Variants in REXO5 observed in about 807,000 individuals in gnomAD.
The protein encoded by REXO5 is RNA exonuclease 5, also known as exonuclease NEF-sp.
In REXO5, 48 loss-of-function variants were observed where a neutral mutation model predicts 88.5. That is an observed-to-expected ratio of 0.54 (90% CI 0.43 to 0.69). REXO5 has a LOEUF of 0.69. Among genes scored for constraint, REXO5 ranks in the 30% least tolerant of loss-of-function variants. The probability of loss-of-function intolerance (pLI) is 0.00; values close to 1 mark genes in which losing one functional copy is unlikely to be tolerated. For synonymous variants in REXO5, 311 were observed against 336.5 expected, an observed-to-expected ratio of 0.92 and a Z score of 0.83; for missense variants, 749 against 912.2, an observed-to-expected ratio of 0.82 and a Z score of 2.30.
chr16:20,830,638 G>A (rs2081327590), intron 11 of REXO5, among the ~76,000 whole-genome samples: 1 of 152,212 alleles, frequency 6.6e-6, no homozygotes. Flanking sequence ...TGTAAAGGCA[G>A]GGTTTGTTCC....
chr16:20,807,634 G>T (rs545657879), intron 2 of REXO5, among the ~76,000 whole-genome samples: 122 of 150,168 alleles, frequency 8.1e-4, no homozygotes, highest in African/African-American at 2.8e-3. Context: ...GGGTGCAGTG[G>T]CTCACGCCTG....
chr16:20,831,904 T>C (rs2081350731), intron 11 of REXO5, among the ~76,000 whole-genome samples: 1 of 152,160 alleles, frequency 6.6e-6, no homozygotes, highest in African/African-American at 2.4e-5. Flanking sequence ...ACTTGGCCCT[T>C]CCCCATATTC....
chr16:20,824,965 C>T (rs1485659268), intron 7 of REXO5, among the ~76,000 whole-genome samples: 2 of 151,812 alleles, frequency 1.3e-5, no homozygotes, highest in Non-Finnish European at 2.9e-5. Context: ...GCTGAGATAG[C>T]GCCACTGCAC....
At chr16:20,838,336 T>G (rs2081469935) in intron 13 of REXO5, among the ~76,000 whole-genome samples, 1 of 152,246 alleles carries the variant, frequency 6.6e-6, no homozygotes, top group East Asian at 1.9e-4. Context: ...ATGTTAGGTA[T>G]ATTTATATTA....
In REXO5 at chr16:20,840,375, A is replaced by T. The variant is rs1324997891; in HGVS notation, c.1533A>T (p.Pro511=). The part of the protein sequence containing the change: ...WTEISTVYAG[P]FSKNCNLRAL... ...AGATATCAACTGTCTATGCTGGGCC[A>T]TTTAGCAAAAATTGCAATCTCAGGG... The change falls in exon 15 of 20, where the codon CCA becomes CCT. Residue 511 remains proline, a synonymous_variant. Transcript: ENST00000261377. 1 of 1,585,126 alleles carries T rather than the reference A, an allele frequency of 6.3e-7. No individual in the cohort carries two copies. Among genetic ancestry groups the T allele is most frequent in the Middle Eastern group, 1.7e-4 (1 of 5,954 alleles).
In REXO5 at chr16:20,841,486, C is replaced by T. The variant is rs556777964; in HGVS notation, c.1626+1018C>T. Among the ~76,000 whole-genome samples, 20 of 152,066 alleles carry T rather than the reference C, an allele frequency of 1.3e-4. No individual in the cohort carries two copies. The East Asian group carries it at 3.5e-3, about 26-fold the overall frequency. ...GTAAATATATTGTTCCTTTAGAATT[C>T]GGAACTAGGTAACTATTAAACTGGT... is the stretch of plus-strand genomic sequence containing the variant. On this transcript the variant is annotated intron_variant, in intron 15 of 19. Coordinates refer to ENST00000261377, the MANE Select transcript of REXO5 (RefSeq NM_030941.3).
intron 19 of REXO5, among the ~76,000 whole-genome samples, chr16:20,848,802 G>T (rs1262006560): frequency 1.3e-5 from 2 of 152,188 alleles, no homozygotes; most frequent in Non-Finnish European, 2.9e-5. Context: ...TTAATGTTTT[G>T]TAACTTTTTT....
chr16:20,806,666 A>G lies in REXO5; in HGVS notation c.-42A>G, dbSNP rs2080882140. ...GCAGCACCTTCCTTCTTTGCCAGGC[A>G]GACGCCCGTTGTAGCCGTTGGGGAA... On this transcript the variant is annotated 5_prime_UTR_variant, in exon 1 of 20. Transcript: ENST00000261377. The G allele has an allele frequency of 4.5e-6, 5 of 1,115,978 alleles. No individual in the cohort carries two copies. The Admixed American group carries it at 8.9e-5, about 20-fold the overall frequency. 69.1% of individuals were successfully genotyped at this position (1,115,978 alleles called of 1,614,324 possible).
intron 1 of REXO5, 79 bp downstream of exon 1, chr16:20,806,784 A>T (rs922537370): frequency 5.1e-6 from 6 of 1,167,148 alleles, no homozygotes; most frequent in Non-Finnish European, 7.1e-6. Context: ...GATCGTTGGC[A>T]CCTTCGCTTT....
rs1456447958 is a variant in REXO5, at chr16:20,849,539, T to C, written c.*59T>C. The C allele has an allele frequency of 6.7e-7, 1 of 1,500,534 alleles. No homozygotes were observed. Among genetic ancestry groups the C allele is most frequent in the East Asian group, 2.3e-5 (1 of 44,402 alleles). 93.0% of individuals were successfully genotyped at this position (1,500,534 alleles called of 1,614,324 possible). ...ACCCCTTGTAGGCAATGGCAAAGAATGTGGTCAGGCTGTAGCCTCCCCAAC... is the reference window on the plus strand; with the variant it reads ...ACCCCTTGTAGGCAATGGCAAAGAACGTGGTCAGGCTGTAGCCTCCCCAAC... On this transcript the variant is annotated 3_prime_UTR_variant, in exon 20 of 20. Transcript: ENST00000261377.
chr16:20,844,849 A>C lies in REXO5; in HGVS notation c.1936+4A>C, dbSNP rs1173921441. 4 of 1,611,218 alleles carry C rather than the reference A, an allele frequency of 2.5e-6. No homozygotes were observed. Among genetic ancestry groups the C allele is most frequent in the Non-Finnish European group, 3.4e-6 (4 of 1,178,086 alleles). On this transcript the variant is annotated splice_donor_region_variant and intron_variant, in intron 17 of 19. Transcript: ENST00000261377. ...CAGAAAAAATACTGTTTCCTGAGTA[A>C]GTCTATGCTACTGAATGTAGCTTTG...
intron 4 of REXO5, 87 bp from the exon 5 acceptor site, chr16:20,816,029 C>T: frequency 1.0e-6 from 1 of 994,664 alleles, no homozygotes; most frequent in Non-Finnish European, 1.6e-6. Flanking sequence ...ACTTTCAAAG[C>T]ACTGAGGTGA....
At chr16:20,840,235 A>G in intron 14 of REXO5, 96 bp from the exon 15 acceptor site, 1 of 1,133,188 alleles carries the variant, frequency 8.8e-7, no homozygotes, top group Non-Finnish European at 1.2e-6. Flanking sequence ...ATTTATATCA[A>G]AAAAATCTTT....
At chr16:20,846,065 G>C (rs1433430282) in intron 18 of REXO5, among the ~76,000 whole-genome samples, 156 bp from the exon 19 acceptor site, 1 of 152,230 alleles carries the variant, frequency 6.6e-6, no homozygotes, top group Non-Finnish European at 1.5e-5. Flanking sequence ...GGTCAGCAGA[G>C]AACCTGCAGT....
At chr16:20,841,754 T>C (rs948841870) in intron 15 of REXO5, among the ~76,000 whole-genome samples, 3 of 152,148 alleles carry the variant, frequency 2.0e-5, no homozygotes. Flanking sequence ...GACAGGTATG[T>C]GCCCCCACGC....
chr16:20,828,387 T>G (rs771437674), intron 10 of REXO5, 48 bp from the exon 11 acceptor site: 44 of 1,111,258 alleles, frequency 4.0e-5, no homozygotes, highest in Non-Finnish European at 5.8e-5. Context: ...TGAAAAAGCC[T>G]ATCATTAAAA....
chr16:20,827,241 G>C (rs754645794), intron 9 of REXO5, 45 bp downstream of exon 9: 1 of 1,610,048 alleles, frequency 6.2e-7, no homozygotes, highest in South Asian at 1.1e-5. Context: ...ATAAATGCCT[G>C]TTCCATTTAT....
At chr16:20,823,283 T>G (rs1420414765) in intron 6 of REXO5, among the ~76,000 whole-genome samples, 3 of 152,198 alleles carry the variant, frequency 2.0e-5, no homozygotes, top group African/African-American at 7.2e-5. Context: ...TAAATTTTAT[T>G]TTTTTAATTT....
intron 13 of REXO5, among the ~76,000 whole-genome samples, chr16:20,834,210 G>A (rs998444987): frequency 1.3e-5 from 2 of 152,208 alleles, no homozygotes; most frequent in Non-Finnish European, 2.9e-5. Context: ...TTACTCATCT[G>A]CCCCTCTTTT....
Sources: allele counts gnomAD v4.1 joint callset (sites outside exome capture counted in the v4.1 genomes callset), GRCh38; gene constraint gnomAD v4.1.1; transcripts MANE v1.5; gene names NCBI Gene and HGNC (gene_info 2026-07-23, HGNC 2026-07-21).